Variants in ADGRD1 observed in about 807,000 individuals in gnomAD.
The protein encoded by ADGRD1 is G-protein coupled receptor 133.
ADGRD1 carries 77 observed loss-of-function variants against 113.4 expected under a neutral mutation model. That is an observed-to-expected ratio of 0.68 (90% CI 0.57 to 0.82). The LOEUF is 0.82. ADGRD1 is among the 40% of genes least tolerant of loss of function. The pLI is 0.00. For missense variants in ADGRD1, 1,036 were observed against 1,139.1 expected, an observed-to-expected ratio of 0.91 and a Z score of 1.30; for synonymous variants, 474 against 475.0, an observed-to-expected ratio of 1.00 and a Z score of 0.03.
At chr12:131,077,607 A>G (rs1039019958) in intron 14 of ADGRD1, among the ~76,000 whole-genome samples, 1 of 151,458 alleles carries the variant, frequency 6.6e-6, no homozygotes, top group Non-Finnish European at 1.5e-5. Context: ...AGGGCCGGGG[A>G]GTGGAGGGAG....
chr12:131,066,020 G>A (rs1884692162), intron 13 of ADGRD1, among the ~76,000 whole-genome samples: 2 of 152,094 alleles, frequency 1.3e-5, no homozygotes, highest in Admixed American at 1.3e-4. Flanking sequence ...GGTGAACTCT[G>A]GCAGGGGTGA....
intron 20 of ADGRD1, among the ~76,000 whole-genome samples, chr12:131,129,177 G>C (rs1396570643): frequency 4.5e-4 from 47 of 104,458 alleles, no homozygotes; most frequent in African/African-American, 1.3e-3. Flanking sequence ...TGAGTGACAG[G>C]CCCGCCCTGC....
chr12:131,026,668 C>A (rs1377659356), intron 13 of ADGRD1: 1 of 152,298 alleles, frequency 6.6e-6, no homozygotes, highest in African/African-American at 2.4e-5. Flanking sequence ...GTGGGGCTGG[C>A]CTGGGCATTG....
chr12:131,061,525 T>G (rs1011963258), intron 13 of ADGRD1, among the ~76,000 whole-genome samples: 1 of 152,266 alleles, frequency 6.6e-6, no homozygotes, highest in Non-Finnish European at 1.5e-5. Flanking sequence ...AACTGTTTTT[T>G]TAAACTTCTA....
At position 130,992,408 on chromosome 12, in the gene ADGRD1, GTC is replaced by G. The variant is rs1874533527; in HGVS notation, c.966+18_966+19del. 2 of 1,607,478 alleles carry G rather than the reference GTC, an allele frequency of 1.2e-6. No individual in the cohort carries two copies. The highest frequency in any genetic ancestry group is 2.7e-5 in the African/African-American group (2 of 74,772). On this transcript the variant is annotated intron_variant, in intron 8 of 24. Coordinates refer to ENST00000261654, the MANE Select transcript of ADGRD1 (RefSeq NM_198827.5). ...TCTCACCAAGGTAAGGCTATTTGAT[GTC>G]TGTGTCTGGTGGACCGGGCGTGGCA...
chr12:131,062,032 G>T (rs1884370479), intron 13 of ADGRD1, among the ~76,000 whole-genome samples: 1 of 152,154 alleles, frequency 6.6e-6, no homozygotes, highest in African/African-American at 2.4e-5. Context: ...TTTGTTTTTT[G>T]TTTTTTTTTT....
chr12:131,093,185 T>C lies in ADGRD1; in HGVS notation c.1671+8522T>C, dbSNP rs1263724577. On this transcript the variant is annotated intron_variant, in intron 15 of 24. Coordinates refer to ENST00000261654, the MANE Select transcript of ADGRD1 (RefSeq NM_198827.5). The stretch of plus-strand genomic sequence containing the variant: ...AACTGTGGGAGGGAGGATGCTTGTT[T>C]TGGCAGCACAGTCCCACCTGGTGGT... Among the ~76,000 whole-genome samples the C allele has an allele frequency of 2.6e-5, 4 of 152,238 alleles. No homozygotes were observed. The East Asian group carries it at 7.7e-4, about 29-fold the overall frequency.
chr12:131,095,541 G>T (rs1216925521), intron 15 of ADGRD1, among the ~76,000 whole-genome samples: 1 of 152,190 alleles, frequency 6.6e-6, no homozygotes, highest in African/African-American at 2.4e-5. Context: ...CCTCAGAATT[G>T]GGGTCTTACT....
intron 13 of ADGRD1, among the ~76,000 whole-genome samples, chr12:131,064,403 G>A (rs1884558941): frequency 6.6e-6 from 1 of 152,184 alleles, no homozygotes. Context: ...GCCTCGATAT[G>A]ATCATGTGAT....
chr12:130,997,505 A>G (rs1875725689), intron 8 of ADGRD1, among the ~76,000 whole-genome samples: 1 of 145,322 alleles, frequency 6.9e-6, no homozygotes, highest in Non-Finnish European at 1.5e-5. Flanking sequence ...CTGGGCAGAG[A>G]CGCTCCTCAC....
intron 13 of ADGRD1, among the ~76,000 whole-genome samples, chr12:131,046,075 G>A (rs996074335): frequency 1.4e-5 from 2 of 146,466 alleles, no homozygotes; most frequent in Non-Finnish European, 3.0e-5. Flanking sequence ...TGTCCTTCCC[G>A]GTCAGCGTCC....
chr12:131,138,594 C>G (rs976182289), intron 24 of ADGRD1, among the ~76,000 whole-genome samples: 1 of 152,156 alleles, frequency 6.6e-6, no homozygotes, highest in South Asian at 2.1e-4. Context: ...CTCACTGTGC[C>G]GCTGCTTCCC....
intron 13 of ADGRD1, among the ~76,000 whole-genome samples, chr12:131,016,066 G>A (rs1308782551): frequency 6.6e-6 from 1 of 152,190 alleles, no homozygotes; most frequent in Admixed American, 6.5e-5. Context: ...GTGCCTGGTG[G>A]GCCTGTCTCA....
At chr12:131,098,924 G>A (rs1051162411) in intron 15 of ADGRD1, among the ~76,000 whole-genome samples, 1 of 152,244 alleles carries the variant, frequency 6.6e-6, no homozygotes, top group African/African-American at 2.4e-5. Context: ...CAGCTGCATG[G>A]TGGTGGGCAG....
chr12:131,109,735 T>C (rs909259949), intron 18 of ADGRD1, among the ~76,000 whole-genome samples: 6 of 152,214 alleles, frequency 3.9e-5, no homozygotes, highest in Non-Finnish European at 8.8e-5. Flanking sequence ...TACAGATACC[T>C]GTTAGGCCTA....
At chr12:130,987,062 G>A in intron 5 of ADGRD1, 33 bp from the exon 6 acceptor site, 2 of 1,605,112 alleles carry the variant, frequency 1.2e-6, no homozygotes, top group Non-Finnish European at 1.7e-6. Context: ...CATTCCCACA[G>A]TACTCAGAAT....
Position 131,012,149 on chromosome 12 carries a change from T to C in ADGRD1, c.1332-2050T>C, listed in dbSNP as rs568106456. ...TTATGTACGTTCTGTACGTACAGCTTGTATCTCTGTGGGACTAAAACTTTC... is the reference window on the plus strand; with the variant it reads ...TTATGTACGTTCTGTACGTACAGCTCGTATCTCTGTGGGACTAAAACTTTC... On this transcript the variant is annotated intron_variant, in intron 12 of 24. Coordinates refer to ENST00000261654, the MANE Select transcript of ADGRD1 (RefSeq NM_198827.5). Among the ~76,000 whole-genome samples, 5 of 152,260 alleles carry C rather than the reference T, an allele frequency of 3.3e-5. No individual in the cohort carries two copies. The South Asian group carries it at 6.2e-4, about 19-fold the overall frequency.
At chr12:131,107,081 C>A (rs73468779) in intron 17 of ADGRD1, among the ~76,000 whole-genome samples, 8,530 of 152,248 alleles carry the variant, frequency 0.056, 806 homozygotes, top group African/African-American at 0.2. Flanking sequence ...GTCTATAATC[C>A]CAGCTGGTGG....
At chr12:131,121,121 G>A (rs753706644) in intron 20 of ADGRD1, among the ~76,000 whole-genome samples, 5 of 152,204 alleles carry the variant, frequency 3.3e-5, no homozygotes, top group South Asian at 2.1e-4. Context: ...CTTTCCAGGC[G>A]GGTCCACTCG....
Sources: gnomAD v4.1 joint callset for allele counts (sites outside exome capture counted in the v4.1 genomes callset) on GRCh38, gnomAD v4.1.1 for gene constraint, MANE v1.5 for transcripts, NCBI Gene and HGNC (gene_info 2026-07-23, HGNC 2026-07-21) for gene names.